NFS1: variants seen among roughly 807,000 people sequenced by gnomAD.
The protein encoded by NFS1 is NFS1 cysteine desulfurase, also known as cysteine desulfurase.
A neutral mutation model predicts 57.3 loss-of-function variants in NFS1; 26 were observed. The ratio of observed to expected loss-of-function variants is 0.45; its 90% CI spans 0.33 to 0.63. The LOEUF is 0.63. NFS1 is among the 20% of genes least tolerant of loss of function. NFS1 has a pLI of 0.02. For missense variants in NFS1, 505 were observed against 605.8 expected (o/e 0.83, Z 1.75); for synonymous variants, 209 against 216.3 (o/e 0.97, Z 0.30).
chr20:35,680,289 A>C (rs976061251), intron 7 of NFS1, among the ~76,000 whole-genome samples: 1 of 152,078 alleles, frequency 6.6e-6, no homozygotes, highest in African/African-American at 2.4e-5. Context: ...TGGGCGACTG[A>C]GCGAGACTCC....
intron 10 of NFS1, chr20:35,674,127 A>G: frequency 1.8e-6 from 1 of 552,112 alleles, no homozygotes; most frequent in Non-Finnish European, 3.3e-6. Context: ...CCCTGGGACG[A>G]TAAAAGGCAC....
intron 7 of NFS1, among the ~76,000 whole-genome samples, chr20:35,679,297 C>A (rs1379119586): frequency 1.3e-5 from 2 of 152,136 alleles, no homozygotes; most frequent in East Asian, 3.8e-4. Context: ...GATTCTCCTG[C>A]CTCAGTCTCC....
At chr20:35,690,915 C>T (rs1336797877) in intron 4 of NFS1, among the ~76,000 whole-genome samples, 1 of 152,140 alleles carries the variant, frequency 6.6e-6, no homozygotes, top group Admixed American at 6.6e-5. Flanking sequence ...TGTCCAAACC[C>T]ATAGAATGTA....
chr20:35,680,678 A>G (rs1320179214), intron 7 of NFS1, 59 bp downstream of exon 7: 5 of 1,372,986 alleles, frequency 3.6e-6, no homozygotes, highest in South Asian at 1.8e-5. Flanking sequence ...TGTGACAAAC[A>G]TCTATCAAAG....
chr20:35,696,814 C>T (rs764794168), intron 3 of NFS1, among the ~76,000 whole-genome samples: 3 of 152,018 alleles, frequency 2.0e-5, no homozygotes, highest in Admixed American at 6.6e-5. Flanking sequence ...ACTAAGAATA[C>T]AAAAATATTA....
intron 3 of NFS1, 42 bp downstream of exon 3, chr20:35,697,642 C>T (rs762881099): frequency 7.5e-7 from 1 of 1,341,290 alleles, no homozygotes; most frequent in Non-Finnish European, 1.0e-6. Context: ...AGGCCACTGC[C>T]CCTCTTTGAC....
chr20:35,670,428 A>G (rs868231932), intron 12 of NFS1, among the ~76,000 whole-genome samples: 5 of 152,226 alleles, frequency 3.3e-5, no homozygotes, highest in African/African-American at 1.2e-4. Flanking sequence ...TCAGTGTGCT[A>G]TGAATATGGG....
rs2035192892 is a variant in NFS1, at chr20:35,698,909, CG to C, written c.97+282del. The C allele has an allele frequency of 5.3e-6, 7 of 1,310,448 alleles. No homozygotes were observed. In the African/African-American group the frequency reaches 1.1e-4, roughly 20 times the overall value. The allele number at this position is 1,310,448 out of a possible 1,614,324, so 81.2% of individuals were successfully genotyped here. ...TGCAGTCCCTTCTGACCGAAGGTAA[CG>C]GTCTGCACGGGAGCCCGGAGCAGCA... On this transcript the variant is annotated intron_variant, in intron 1 of 12. Transcript: ENST00000374092.
chr20:35,697,210 T>A (rs1433375445), intron 3 of NFS1, among the ~76,000 whole-genome samples: 1 of 147,326 alleles, frequency 6.8e-6, no homozygotes, highest in Admixed American at 6.8e-5. Context: ...GGCAGCAGAA[T>A]CACTTGAACC....
intron 1 of NFS1, 171 bp from the exon 2 acceptor site, chr20:35,698,761 G>A: frequency 7.1e-7 from 1 of 1,409,408 alleles, no homozygotes; most frequent in Non-Finnish European, 9.2e-7. Context: ...CGCTGTAAAA[G>A]GAGGTAAGGG....
intron 5 of NFS1, among the ~76,000 whole-genome samples, chr20:35,686,664 C>T (rs1260795209): frequency 6.6e-6 from 1 of 152,056 alleles, no homozygotes; most frequent in Non-Finnish European, 1.5e-5. Flanking sequence ...CAAATAAGTA[C>T]TTTAGAAATA....
chr20:35,674,257 T>C, intron 10 of NFS1, 93 bp downstream of exon 10: 1 of 1,008,980 alleles, frequency 9.9e-7, no homozygotes, highest in Non-Finnish European at 1.6e-6. Flanking sequence ...CAAGAGGTCT[T>C]GTGCCTATCA....
At position 35,668,859 on chromosome 20, in the gene NFS1, A is replaced by C. The variant is rs1362504467; in HGVS notation, c.*763T>G. On this transcript the variant is annotated 3_prime_UTR_variant, in exon 13 of 13. Transcript: ENST00000374092. Reference sequence around the variant, plus strand: ...AAATAATTCTTAAATGAAGAGATACAAAAGCCCACTGAGTCATTTATGCAA... The same window carrying C: ...AAATAATTCTTAAATGAAGAGATACCAAAGCCCACTGAGTCATTTATGCAA... 6.6e-6 allele frequency: 1 copy of C among 152,224 alleles called. No homozygotes were observed. The highest frequency in any genetic ancestry group is 1.5e-5 in the Non-Finnish European group (1 of 68,046). The allele number at this position is 152,224 out of a possible 1,614,324, so 9.4% of individuals were successfully genotyped here.
chr20:35,695,816 AG>A (rs1419933468), intron 4 of NFS1, among the ~76,000 whole-genome samples: 1 of 152,050 alleles, frequency 6.6e-6, no homozygotes, highest in East Asian at 1.9e-4. Flanking sequence ...TCGAGATGGG[AG>A]GATCATCAGG....
At chr20:35,681,059 G>C (rs938269313) in intron 6 of NFS1, among the ~76,000 whole-genome samples, 188 bp from the exon 7 acceptor site, 5 of 141,142 alleles carry the variant, frequency 3.5e-5, no homozygotes, top group African/African-American at 1.3e-4. Flanking sequence ...CTCCCTCTCT[G>C]TGTCTCAGTA....
intron 1 of NFS1, 133 bp from the exon 2 acceptor site, chr20:35,698,723 G>T: frequency 7.0e-7 from 1 of 1,418,868 alleles, no homozygotes; most frequent in Non-Finnish European, 9.2e-7. Flanking sequence ...AATCTCAATG[G>T]AAAGAAAACA....
intron 4 of NFS1, 51 bp from the exon 5 acceptor site, chr20:35,690,616 A>G: frequency 1.3e-6 from 2 of 1,586,684 alleles, no homozygotes; most frequent in Non-Finnish European, 8.6e-7. Context: ...GAGAGACAGC[A>G]ATGACTTCAA....
intron 4 of NFS1, chr20:35,692,430 T>C (rs368806178): frequency 1.9e-5 from 3 of 154,258 alleles, no homozygotes; most frequent in African/African-American, 2.7e-5. Context: ...GATGTGGTGG[T>C]GGCTAATGCC....
rs746825977 is a variant in NFS1, at chr20:35,699,181, C to A, written c.97+11G>T. 9.3e-6 allele frequency: 13 copies of A among 1,398,466 alleles called. No individual in the cohort carries two copies. In the South Asian group the frequency reaches 2.0e-4, roughly 22 times the overall value. 86.6% of individuals were successfully genotyped at this position (1,398,466 alleles called of 1,614,324 possible). A position where few individuals can be genotyped will look rare whatever the true frequency, so the allele number is the denominator to read the frequency against. On this transcript the variant is annotated intron_variant, in intron 1 of 12. Transcript: ENST00000374092. The surrounding 1 kb of genome is among the most constrained non-coding windows in gnomAD (Gnocchi z 4.4). Reference sequence around the variant, plus strand: ...GGTCCGCGCCTCCCGGAGAGCGGGACCCGAGCGTACCGCGCAGGCGCAGCC... The same window carrying A: ...GGTCCGCGCCTCCCGGAGAGCGGGAACCGAGCGTACCGCGCAGGCGCAGCC...
Sources: allele counts gnomAD v4.1 joint callset (sites outside exome capture counted in the v4.1 genomes callset), GRCh38; gene constraint gnomAD v4.1.1; non-coding constraint Gnocchi (gnomAD v3.1); transcripts MANE v1.5; gene names NCBI Gene and HGNC (gene_info 2026-07-23, HGNC 2026-07-21).